Variants in CYP2J2 observed in about 807,000 individuals in gnomAD.
CYP2J2 encodes cytochrome P450 2J2.
A neutral mutation model predicts 48.8 loss-of-function variants in CYP2J2; 41 were observed. The ratio of observed to expected loss-of-function variants is 0.84; its 90% confidence interval spans 0.66 to 1.09. The LOEUF is 1.09. CYP2J2 is among the 50% of genes least tolerant of loss of function. CYP2J2 has a pLI of 0.00. For synonymous variants in CYP2J2, 221 were observed against 227.1 expected (o/e 0.97, Z 0.24); for missense variants, 644 against 617.3 (o/e 1.04, Z -0.46).
chr1:59,951,298 T>C, the CYP2J2 span, among the ~76,000 whole-genome samples: 2 of 152,188 alleles, frequency 1.3e-5, no homozygotes, highest in Non-Finnish European at 2.9e-5. Flanking sequence ...CCAGACTACA[T>C]GGTTTTATGT....
chr1:59,943,678 T>C, the CYP2J2 span, among the ~76,000 whole-genome samples: 1 of 125,892 alleles, frequency 7.9e-6, no homozygotes, highest in African/African-American at 3.0e-5. Context: ...TCTGAAGCAG[T>C]TTTTTTTTTT....
intron 5 of CYP2J2, among the ~76,000 whole-genome samples, chr1:59,908,277 C>A (rs778458232): frequency 6.6e-6 from 1 of 152,204 alleles, no homozygotes; most frequent in Non-Finnish European, 1.5e-5. Context: ...TGACCTAGGG[C>A]AAGTCACTTA....
At chr1:59,944,778 T>A in the CYP2J2 span, among the ~76,000 whole-genome samples, 1 of 152,094 alleles carries the variant, frequency 6.6e-6, no homozygotes, top group Non-Finnish European at 1.5e-5. Context: ...ATTTTAAAGG[T>A]CAAAAAATTT....
chr1:59,911,548 T>C, intron 4 of CYP2J2, 60 bp downstream of exon 4: 1 of 1,259,786 alleles, frequency 7.9e-7, no homozygotes, highest in Non-Finnish European at 1.1e-6. Context: ...GAAAAACCCA[T>C]CTGTGGCTGA....
the CYP2J2 span, among the ~76,000 whole-genome samples, chr1:59,935,362 G>A: frequency 0.011 from 1,690 of 152,074 alleles, 24 homozygotes; most frequent in African/African-American, 0.038. Flanking sequence ...AGTGCATTGT[G>A]TACTTGAAAT....
At chr1:59,901,451 C>T (rs1442262589) in intron 7 of CYP2J2, among the ~76,000 whole-genome samples, 6 of 152,210 alleles carry the variant, frequency 3.9e-5, no homozygotes, top group African/African-American at 1.2e-4. Context: ...TCAGTCTGCA[C>T]TGTACCAAAA....
chr1:59,949,238 C>T, the CYP2J2 span, among the ~76,000 whole-genome samples: 3 of 152,118 alleles, frequency 2.0e-5, no homozygotes, highest in South Asian at 2.1e-4. Flanking sequence ...TATGTTTTTG[C>T]GTGTGCATGG....
chr1:59,945,753 CCTCT>C, the CYP2J2 span, among the ~76,000 whole-genome samples: 1 of 152,172 alleles, frequency 6.6e-6, no homozygotes, highest in Non-Finnish European at 1.5e-5. Flanking sequence ...CAAACCTGCT[CCTCT>C]CTCTGTCTTC....
the CYP2J2 span, among the ~76,000 whole-genome samples, chr1:59,947,280 G>A: frequency 1.3e-5 from 2 of 152,184 alleles, no homozygotes; most frequent in Admixed American, 6.5e-5. Context: ...TGTCATCTGT[G>A]TAGTTTGAAA....
chr1:59,960,775 G>A, the CYP2J2 span, among the ~76,000 whole-genome samples: 1 of 152,096 alleles, frequency 6.6e-6, no homozygotes, highest in African/African-American at 2.4e-5. Flanking sequence ...CCTGGGAGGC[G>A]GAGGTTGAAG....
At chr1:59,959,218 T>G in the CYP2J2 span, among the ~76,000 whole-genome samples, 3 of 152,294 alleles carry the variant, frequency 2.0e-5, no homozygotes, top group African/African-American at 7.2e-5. Context: ...GAACATCTCT[T>G]AACTCCATGT....
the CYP2J2 span, among the ~76,000 whole-genome samples, chr1:59,956,555 A>C: frequency 1.3e-5 from 2 of 152,138 alleles, no homozygotes; most frequent in African/African-American, 2.4e-5. Context: ...ATTTGCAAGA[A>C]ACAACAGGCA....
chr1:59,901,107 G>GAGAA lies in CYP2J2; in HGVS notation c.1192-8_1192-5dup, dbSNP rs1182892622. On this transcript the variant is annotated splice_region_variant and splice_polypyrimidine_tract_variant and intron_variant, in intron 7 of 8. Coordinates refer to ENST00000371204, the MANE Select transcript of CYP2J2 (RefSeq NM_000775.4). ...AATTGGTCAGGATCATGGTACCCTA[G>GAGAA]AGAAAGCAGCAGAGACTCAGGCAAG... 13 of 1,612,224 alleles carry GAGAA rather than the reference G, an allele frequency of 8.1e-6. No homozygotes were observed. The highest frequency in any genetic ancestry group is 1.7e-4 in the Middle Eastern group (1 of 6,046).
chr1:59,935,051 T>TAC, the CYP2J2 span, among the ~76,000 whole-genome samples: 26 of 107,786 alleles, frequency 2.4e-4, no homozygotes, highest in African/African-American at 9.2e-4. Flanking sequence ...TATATATATA[T>TAC]ACACAACAGA....
At chr1:59,919,592 T>C (rs1289227715) in intron 1 of CYP2J2, among the ~76,000 whole-genome samples, 1 of 152,100 alleles carries the variant, frequency 6.6e-6, no homozygotes, top group Non-Finnish European at 1.5e-5. Flanking sequence ...GAAAAAAAAA[T>C]AAACAAGGAA....
intron 1 of CYP2J2, among the ~76,000 whole-genome samples, chr1:59,918,265 C>T (rs575461216): frequency 2.4e-4 from 37 of 152,148 alleles, no homozygotes; most frequent in African/African-American, 7.2e-4. Context: ...TAATTTAGGA[C>T]ATTAAATAAG....
upstream of CYP2J2, among the ~76,000 whole-genome samples, chr1:59,930,086 C>T (rs549984899): frequency 1.1e-4 from 17 of 152,174 alleles, no homozygotes; most frequent in African/African-American, 3.9e-4. Flanking sequence ...TTAGAGAAAA[C>T]GGAGACCAAA....
chr1:59,899,564 C>T (rs192262497), intron 8 of CYP2J2, among the ~76,000 whole-genome samples: 51 of 152,282 alleles, frequency 3.3e-4, no homozygotes, highest in African/African-American at 1.2e-3. Context: ...AGCAAACTAT[C>T]GTGCATTCCA....
At position 59,907,909 on chromosome 1, in the gene CYP2J2, A is replaced by C. The variant is rs1574251458; in HGVS notation, c.880T>G (p.Ser294Ala). 1 of 1,614,094 alleles carries C rather than the reference A, an allele frequency of 6.2e-7. No homozygotes were observed. Among genetic ancestry groups the C allele is most frequent in the East Asian group, 2.2e-5 (1 of 44,884 alleles). ...EMSKHTGNPTSSFHEENLICS... is the reference protein window; with the variant it reads ...EMSKHTGNPTASFHEENLICS... The stretch of plus-strand genomic sequence containing the variant: ...ATGAGGTTTTCTTCATGGAAACTTG[A>C]AGTAGGATTGCCTGTGTGCTAGAAA... The change falls in exon 6 of 9, where the codon TCA (serine) becomes GCA (alanine). Residue 294 changes from serine (S) to alanine (A), a missense_variant. Transcript: ENST00000371204.
Sources: gnomAD v4.1 joint callset for allele counts (sites outside exome capture counted in the v4.1 genomes callset) on GRCh38, gnomAD v4.1.1 for gene constraint, MANE v1.5 for transcripts, NCBI Gene and HGNC (gene_info 2026-07-23, HGNC 2026-07-21) for gene names.